The following CHST8 variants were observed in gnomAD, a reference collection of about 807,000 sequenced individuals.
The protein encoded by CHST8 is GALNAC-4-ST1.
In CHST8, 10 loss-of-function variants were observed where a neutral mutation model predicts 15.0. The observed-to-expected ratio is 0.67, with a 90% CI of 0.41 to 1.13. The LOEUF is 1.13. CHST8 is among the 50% of genes most tolerant of loss of function. CHST8 has a pLI of 0.00. For missense variants in CHST8, 634 were observed against 608.2 expected (o/e 1.04, Z -0.45); for synonymous variants, 259 against 256.6 (o/e 1.01, Z -0.09).
intron 1 of CHST8, among the ~76,000 whole-genome samples, chr19:33,658,469 A>C (rs926356376): frequency 6.6e-6 from 1 of 152,218 alleles, no homozygotes; most frequent in Non-Finnish European, 1.5e-5. Flanking sequence ...ATCCTTTAAA[A>C]TTCAATTTCA....
chr19:33,739,768 A>C (rs1224822331), intron 3 of CHST8, among the ~76,000 whole-genome samples: 1 of 152,122 alleles, frequency 6.6e-6, no homozygotes, highest in South Asian at 2.1e-4. Flanking sequence ...ATGCTTAGGT[A>C]AGAGTGGAGA....
chr19:33,764,737 G>T (rs1042854855), intron 3 of CHST8, among the ~76,000 whole-genome samples: 2 of 152,058 alleles, frequency 1.3e-5, no homozygotes, highest in African/African-American at 4.8e-5. Flanking sequence ...GGTGGTGTTT[G>T]ATTACCTAAG....
At chr19:33,647,058 G>A (rs1019913492) in intron 1 of CHST8, among the ~76,000 whole-genome samples, 3 of 152,180 alleles carry the variant, frequency 2.0e-5, no homozygotes, top group Admixed American at 6.5e-5. Flanking sequence ...GATTTCTCTC[G>A]CAGTCGTATT....
intron 2 of CHST8, among the ~76,000 whole-genome samples, chr19:33,687,642 T>TG (rs1476373077): frequency 6.6e-6 from 1 of 151,646 alleles, no homozygotes; most frequent in East Asian, 1.9e-4. Context: ...GTTAACTGAG[T>TG]GAAAAAATAA....
At chr19:33,730,094 A>T (rs1484922093) in intron 3 of CHST8, among the ~76,000 whole-genome samples, 1 of 152,212 alleles carries the variant, frequency 6.6e-6, no homozygotes, top group African/African-American at 2.4e-5. Context: ...GGGGGTGTGC[A>T]TCGTCAAGAC....
chr19:33,706,965 T>C (rs1973458681), intron 3 of CHST8, among the ~76,000 whole-genome samples: 1 of 152,148 alleles, frequency 6.6e-6, no homozygotes, highest in African/African-American at 2.4e-5. Flanking sequence ...TCACTTATTT[T>C]AGAGACGTTT....
At chr19:33,703,925 C>T (rs1973392494) in intron 3 of CHST8, among the ~76,000 whole-genome samples, 2 of 152,204 alleles carry the variant, frequency 1.3e-5, no homozygotes, top group Non-Finnish European at 2.9e-5. Flanking sequence ...TGACAGCTGC[C>T]ACTGGGGAGT....
chr19:33,717,342 T>A (rs1435148961), intron 3 of CHST8, among the ~76,000 whole-genome samples: 1 of 151,878 alleles, frequency 6.6e-6, no homozygotes, highest in African/African-American at 2.4e-5. Flanking sequence ...GCGCCTGTAG[T>A]CCCAGCTTCT....
intron 1 of CHST8, among the ~76,000 whole-genome samples, chr19:33,639,712 C>T (rs1972253637): frequency 6.6e-6 from 1 of 152,080 alleles, no homozygotes; most frequent in African/African-American, 2.4e-5. Flanking sequence ...GCTGATCCCC[C>T]TCCTCTGTAG....
intron 3 of CHST8, among the ~76,000 whole-genome samples, chr19:33,706,147 C>T (rs1973441119): frequency 6.6e-6 from 1 of 152,194 alleles, no homozygotes; most frequent in Admixed American, 6.5e-5. Context: ...GGTGACCGGA[C>T]AACCACTCAG....
At chr19:33,757,845 C>T (rs1043301221) in intron 3 of CHST8, among the ~76,000 whole-genome samples, 3 of 152,142 alleles carry the variant, frequency 2.0e-5, no homozygotes, top group African/African-American at 7.2e-5. Context: ...GTGTGCACCA[C>T]CACGCCAGTA....
intron 3 of CHST8, among the ~76,000 whole-genome samples, chr19:33,770,723 A>G (rs1343109012): frequency 6.6e-6 from 1 of 152,190 alleles, no homozygotes; most frequent in Non-Finnish European, 1.5e-5. Context: ...TCAGTAAGTT[A>G]ACGCTGGACA....
intron 1 of CHST8, among the ~76,000 whole-genome samples, chr19:33,635,817 A>G (rs1031107146): frequency 6.6e-6 from 1 of 152,182 alleles, no homozygotes; most frequent in Non-Finnish European, 1.5e-5. Context: ...CTCAAAGGCC[A>G]GGGGTGAGAA....
chr19:33,757,526 A>AAGAAAG (rs1974613113), intron 3 of CHST8, among the ~76,000 whole-genome samples: 1 of 17,654 alleles, frequency 5.7e-5, no homozygotes, highest in Non-Finnish European at 1.1e-4. Flanking sequence ...AAGAAAGAGA[A>AAGAAAG]AGAAAGAAAG....
intron 3 of CHST8, among the ~76,000 whole-genome samples, chr19:33,714,609 G>A (rs552722508): frequency 1.3e-5 from 2 of 152,324 alleles, no homozygotes; most frequent in East Asian, 3.9e-4. Flanking sequence ...GTTTGGCTGT[G>A]TCCCCATCCA....
At chr19:33,637,242 T>G (rs918917539) in intron 1 of CHST8, among the ~76,000 whole-genome samples, 2 of 152,126 alleles carry the variant, frequency 1.3e-5, no homozygotes, top group African/African-American at 4.8e-5. Flanking sequence ...ACCTCCTATC[T>G]CATCCTGTGA....
rs960362033 is a variant in CHST8, at chr19:33,721,172, G to C, written c.130+31781G>C. Reference sequence around the variant, plus strand: ...TCTCGGGGACCCTCTCTGGGGGCCCGCAGCCATGGCTGGAAACCCTATTGC... The same window carrying C: ...TCTCGGGGACCCTCTCTGGGGGCCCCCAGCCATGGCTGGAAACCCTATTGC... On this transcript the variant is annotated intron_variant, in intron 3 of 4. Coordinates refer to ENST00000650847, the MANE Select transcript of CHST8 (RefSeq NM_001127895.2). Among the ~76,000 whole-genome samples, 18 of 152,320 alleles carry C rather than the reference G, an allele frequency of 1.2e-4. 1 individual carries two copies. The highest frequency in any genetic ancestry group is 8.5e-4 in the Admixed American group (13 of 15,312).
In CHST8 at chr19:33,772,899, C is replaced by G; in HGVS notation, c.1111C>G (p.Pro371Ala). 1 of 1,613,546 alleles carries G rather than the reference C, an allele frequency of 6.2e-7. No homozygotes were observed. The highest frequency in any genetic ancestry group is 8.5e-7 in the Non-Finnish European group (1 of 1,180,038). Residue 371 changes from proline (P) to alanine (A), a missense_variant, in exon 5 of 5, where the codon CCC becomes GCC. Transcript: ENST00000650847. ...CCGCGCGCCGCGGAACCTGACCTTC[C>G]CCCGGTTCAAGGACCGGCACTCGCA... ...LIRAPRNLTF[P>A]RFKDRHSQEA...
At chr19:33,641,541 C>T (rs1972284000) in intron 1 of CHST8, among the ~76,000 whole-genome samples, 1 of 152,162 alleles carries the variant, frequency 6.6e-6, no homozygotes, top group African/African-American at 2.4e-5. Flanking sequence ...CAAGGTGGCA[C>T]ACCGGCTGGG....
Sources: allele counts gnomAD v4.1 joint callset (sites outside exome capture counted in the v4.1 genomes callset), GRCh38; gene constraint gnomAD v4.1.1; transcripts MANE v1.5; gene names NCBI Gene and HGNC (gene_info 2026-07-23, HGNC 2026-07-21).